The following FBXL17 variants were observed in gnomAD, a reference collection of about 807,000 sequenced individuals.
FBXL17 encodes F-box and leucine rich repeat protein 17, also known as F-box/LRR-repeat protein 17.
FBXL17 carries 22 observed loss-of-function variants against 66.2 expected under a neutral mutation model. The observed-to-expected ratio is 0.33, with a 90% CI of 0.24 to 0.47. FBXL17 has a LOEUF of 0.47. FBXL17 is among the 20% of genes least tolerant of loss of function. The probability of loss-of-function intolerance (pLI) is 1.00; values close to 1 mark genes in which losing one functional copy is unlikely to be tolerated. For synonymous variants in FBXL17, 474 were observed against 400.5 expected (o/e 1.18, Z -2.19); for missense variants, 878 against 948.2 (o/e 0.93, Z 0.97).
intron 7 of FBXL17, among the ~76,000 whole-genome samples, chr5:107,927,212 G>A (rs573300374): frequency 6.6e-5 from 10 of 152,136 alleles, no homozygotes; most frequent in Admixed American, 2.0e-4. Flanking sequence ...CCATGACAGA[G>A]TGATATGTTA....
At chr5:108,274,482 TTC>T (rs1175016796) in intron 4 of FBXL17, among the ~76,000 whole-genome samples, 1 of 152,244 alleles carries the variant, frequency 6.6e-6, no homozygotes, top group African/African-American at 2.4e-5. Flanking sequence ...TGTTATCCTG[TTC>T]TTTTTTCAAG....
intron 4 of FBXL17, among the ~76,000 whole-genome samples, chr5:108,271,737 TG>T (rs1179743932): frequency 6.6e-6 from 1 of 152,264 alleles, no homozygotes; most frequent in African/African-American, 2.4e-5. Context: ...GTTCATTCAT[TG>T]CTTTCATCTA....
At chr5:108,078,665 T>C (rs868850769) in intron 6 of FBXL17, among the ~76,000 whole-genome samples, 23 of 152,192 alleles carry the variant, frequency 1.5e-4, no homozygotes, top group African/African-American at 4.3e-4. Flanking sequence ...GTTTCATCTA[T>C]ATAAAAAGAC....
At chr5:108,242,518 G>A (rs1211877228) in intron 4 of FBXL17, among the ~76,000 whole-genome samples, 1 of 151,932 alleles carries the variant, frequency 6.6e-6, no homozygotes, top group African/African-American at 2.4e-5. Context: ...CACTGTGTCT[G>A]GCCTATAACT....
intron 6 of FBXL17, among the ~76,000 whole-genome samples, chr5:108,065,442 A>C (rs1413759755): frequency 6.6e-6 from 1 of 152,220 alleles, no homozygotes; most frequent in East Asian, 1.9e-4. Flanking sequence ...TTGTTCTCAC[A>C]TTTTATCAGT....
At chr5:107,987,467 G>A (rs909861411) in intron 7 of FBXL17, among the ~76,000 whole-genome samples, 5 of 151,752 alleles carry the variant, frequency 3.3e-5, no homozygotes, top group African/African-American at 1.2e-4. Flanking sequence ...TGTTGAGCTG[G>A]GTGCTTTTTA....
intron 5 of FBXL17, among the ~76,000 whole-genome samples, chr5:108,214,096 A>G (rs2966813): frequency 0.77 from 117,525 of 152,100 alleles, 46,042 homozygotes; most frequent in East Asian, 0.93. Context: ...TTTTATAACA[A>G]CATATTGTTA....
chr5:108,365,031 T>C, intron 2 of FBXL17, 36 bp from the exon 3 acceptor site: 1 of 1,490,304 alleles, frequency 6.7e-7, no homozygotes, highest in South Asian at 1.2e-5. Context: ...AAACTTTTGC[T>C]AAAAATAAAA....
At chr5:107,880,876 G>T (rs955094735) in intron 8 of FBXL17, 161 bp downstream of exon 8, 1 of 1,413,864 alleles carries the variant, frequency 7.1e-7, no homozygotes, top group African/African-American at 1.4e-5. Flanking sequence ...GTTTACAAAA[G>T]CAGGCAAACA....
chr5:107,978,556 T>C (rs1450168504), intron 7 of FBXL17, among the ~76,000 whole-genome samples: 1 of 152,166 alleles, frequency 6.6e-6, no homozygotes. Flanking sequence ...TTTCAGACTT[T>C]TACATTTCTG....
chr5:107,925,209 A>G (rs948718585), intron 7 of FBXL17, among the ~76,000 whole-genome samples: 3 of 152,182 alleles, frequency 2.0e-5, no homozygotes, highest in African/African-American at 7.2e-5. Flanking sequence ...AAAACTCCCA[A>G]GTATATTTAT....
At chr5:108,272,895 A>G (rs985830905) in intron 4 of FBXL17, among the ~76,000 whole-genome samples, 4 of 152,228 alleles carry the variant, frequency 2.6e-5, no homozygotes, top group Admixed American at 6.5e-5. Flanking sequence ...GTTAATAACT[A>G]TCAGCGAACC....
intron 4 of FBXL17, among the ~76,000 whole-genome samples, chr5:108,288,625 A>G (rs939116416): frequency 5.9e-5 from 9 of 152,024 alleles, no homozygotes; most frequent in African/African-American, 2.2e-4. Context: ...ACAGAAAATG[A>G]TGGAAGGGAG....
At chr5:108,242,878 G>C (rs966534057) in intron 4 of FBXL17, among the ~76,000 whole-genome samples, 1 of 152,062 alleles carries the variant, frequency 6.6e-6, no homozygotes, top group Admixed American at 6.5e-5. Context: ...ACTAAGAATA[G>C]TTTTATGTAG....
At chr5:108,060,610 T>C (rs899169531) in intron 6 of FBXL17, among the ~76,000 whole-genome samples, 3 of 152,126 alleles carry the variant, frequency 2.0e-5, no homozygotes, top group African/African-American at 7.2e-5. Flanking sequence ...TAAAGTCCCA[T>C]TCATCCTAGA....
At chr5:108,250,392 T>TAC (rs999077779) in intron 4 of FBXL17, among the ~76,000 whole-genome samples, 4 of 152,158 alleles carry the variant, frequency 2.6e-5, no homozygotes, top group African/African-American at 4.8e-5. Context: ...TTCTGACCTT[T>TAC]ACATCATTTT....
chr5:108,041,781 G>A (rs1028843912), intron 6 of FBXL17, among the ~76,000 whole-genome samples: 2 of 151,928 alleles, frequency 1.3e-5, no homozygotes, highest in Admixed American at 1.3e-4. Flanking sequence ...TGAAAATTTC[G>A]AGAAATACAA....
At chr5:107,932,326 A>G (rs577575070) in intron 7 of FBXL17, among the ~76,000 whole-genome samples, 2 of 152,318 alleles carry the variant, frequency 1.3e-5, no homozygotes, top group East Asian at 3.9e-4. Context: ...CTTAATTAAT[A>G]CTAGATTTTT....
intron 6 of FBXL17, among the ~76,000 whole-genome samples, chr5:108,181,951 G>A (rs1753020169): frequency 6.6e-6 from 1 of 152,052 alleles, no homozygotes; most frequent in African/African-American, 2.4e-5. Flanking sequence ...CAAAGAAATG[G>A]TCTAAATTTA....
Sources: allele counts gnomAD v4.1 joint callset (sites outside exome capture counted in the v4.1 genomes callset), GRCh38; gene constraint gnomAD v4.1.1; transcripts MANE v1.5; gene names NCBI Gene and HGNC (gene_info 2026-07-23, HGNC 2026-07-21).